The following ACTR3C variants were observed in gnomAD, a reference collection of about 807,000 sequenced individuals.
ACTR3C encodes the protein actin-related protein 3C.
A neutral mutation model predicts 26.3 loss-of-function variants in ACTR3C; 18 were observed. That is an observed-to-expected ratio of 0.68 (90% confidence interval 0.47 to 1.01). ACTR3C has a LOEUF of 1.01. Ranked by LOEUF, ACTR3C falls within the 50% of genes least tolerant of loss-of-function variation. ACTR3C has a pLI of 0.00. For missense variants in ACTR3C, 184 were observed against 250.7 expected (o/e 0.73, Z 1.80); for synonymous variants, 55 against 94.5 (o/e 0.58, Z 2.42).
At chr7:150,075,903 G>A in the ACTR3C span, among the ~76,000 whole-genome samples, 22,368 of 151,716 alleles carry the variant, frequency 0.15, 1,726 homozygotes, top group South Asian at 0.24. Flanking sequence ...ATGGGGAGAC[G>A]AGCCCCTCTG....
At chr7:150,035,281 G>A in the ACTR3C span, among the ~76,000 whole-genome samples, 1 of 59,952 alleles carries the variant, frequency 1.7e-5, no homozygotes, top group African/African-American at 5.0e-5. Flanking sequence ...TCCCTGCCTC[G>A]TGGAGAGTGC....
At chr7:150,049,108 C>T in the ACTR3C span, among the ~76,000 whole-genome samples, 2 of 152,062 alleles carry the variant, frequency 1.3e-5, no homozygotes, top group Non-Finnish European at 2.9e-5. Flanking sequence ...TCGGGCTTGC[C>T]TCCTGCCCAG....
chr7:149,975,684 A>C, the ACTR3C span, among the ~76,000 whole-genome samples: 14 of 152,356 alleles, frequency 9.2e-5, no homozygotes, highest in Middle Eastern at 0.01. Flanking sequence ...TAACAGACTC[A>C]CAGTTCCACA....
the ACTR3C span, among the ~76,000 whole-genome samples, chr7:149,956,402 T>TA: frequency 6.6e-6 from 1 of 150,902 alleles, no homozygotes; most frequent in Non-Finnish European, 1.5e-5. Context: ...CTTTTTAATA[T>TA]AAAAAAAGTA....
chr7:149,902,232 C>T, the ACTR3C span, among the ~76,000 whole-genome samples: 1 of 151,678 alleles, frequency 6.6e-6, no homozygotes, highest in Non-Finnish European at 1.5e-5. Context: ...AAGGAATAAA[C>T]AATTCCTATC....
chr7:150,234,714 G>C, the ACTR3C span, among the ~76,000 whole-genome samples: 1 of 152,100 alleles, frequency 6.6e-6, no homozygotes, highest in Non-Finnish European at 1.5e-5. Context: ...GTTTGCTGTA[G>C]GAACTTCATT....
chr7:150,173,948 G>T, the ACTR3C span, among the ~76,000 whole-genome samples: 1 of 145,112 alleles, frequency 6.9e-6, no homozygotes, highest in Non-Finnish European at 1.5e-5. Flanking sequence ...GACCACCTCA[G>T]CTAGAACCTT....
At chr7:150,086,541 C>T in the ACTR3C span, among the ~76,000 whole-genome samples, 74,876 of 147,178 alleles carry the variant, frequency 0.51, 17,769 homozygotes, top group East Asian at 0.73. Flanking sequence ...CTTTCTCAAA[C>T]ACATTAAGTC....
the ACTR3C span, among the ~76,000 whole-genome samples, chr7:150,161,693 G>C: frequency 6.6e-6 from 1 of 152,100 alleles, no homozygotes; most frequent in African/African-American, 2.4e-5. Context: ...TATAAATCAT[G>C]CTGCTATAAA....
At chr7:149,903,866 G>T in the ACTR3C span, among the ~76,000 whole-genome samples, 76,649 of 90,604 alleles carry the variant, frequency 0.85, 32,108 homozygotes, top group East Asian at 0.98. Flanking sequence ...GTGTAAGGGC[G>T]TTGTTGTTGT....
At chr7:150,319,198 GCTT>G (rs1203250530) in intron 1 of ACTR3C, among the ~76,000 whole-genome samples, 1 of 147,600 alleles carries the variant, frequency 6.8e-6, no homozygotes, top group East Asian at 2.1e-4. Flanking sequence ...TTGTAAAATT[GCTT>G]CTTCTTTTTT....
At chr7:150,049,886 A>G in the ACTR3C span, among the ~76,000 whole-genome samples, 1 of 152,244 alleles carries the variant, frequency 6.6e-6, no homozygotes, top group African/African-American at 2.4e-5. Flanking sequence ...CAAATACAAA[A>G]CCAAGTAAAA....
chr7:150,041,816 G>C, the ACTR3C span, among the ~76,000 whole-genome samples: 6 of 143,984 alleles, frequency 4.2e-5, no homozygotes, highest in East Asian at 2.1e-4. Flanking sequence ...CCTGCGATGG[G>C]GGTACTAAGA....
intron 6 of ACTR3C, among the ~76,000 whole-genome samples, chr7:150,262,301 A>G (rs867889972): frequency 9.5e-4 from 145 of 152,358 alleles, no homozygotes; most frequent in Middle Eastern, 6.8e-3. Context: ...TATGCAAATC[A>G]AAGTACACTT....
the ACTR3C span, among the ~76,000 whole-genome samples, chr7:150,047,233 A>AT: frequency 1.2e-4 from 18 of 152,066 alleles, no homozygotes; most frequent in African/African-American, 3.6e-4. Context: ...AAATAAATAA[A>AT]AAATAAACCA....
chr7:150,225,412 T>C, the ACTR3C span, among the ~76,000 whole-genome samples: 2 of 152,208 alleles, frequency 1.3e-5, no homozygotes, highest in African/African-American at 4.8e-5. Flanking sequence ...TTCCAGCCCT[T>C]TTCCCTTACT....
chr7:150,015,921 T>A, the ACTR3C span, among the ~76,000 whole-genome samples: 1 of 152,200 alleles, frequency 6.6e-6, no homozygotes, highest in Non-Finnish European at 1.5e-5. Flanking sequence ...CTCTCAAAAG[T>A]ACGCTAATAG....
At chr7:149,928,758 G>A in the ACTR3C span, among the ~76,000 whole-genome samples, 2 of 151,356 alleles carry the variant, frequency 1.3e-5, no homozygotes, top group Non-Finnish European at 2.9e-5. Flanking sequence ...CAGGAGAATC[G>A]CTTGAACCCG....
At chr7:150,077,173 T>A in the ACTR3C span, among the ~76,000 whole-genome samples, 4 of 147,234 alleles carry the variant, frequency 2.7e-5, no homozygotes, top group Non-Finnish European at 4.6e-5. Flanking sequence ...CAAAAAAAAA[T>A]TCCAAAGGCA....
Sources: allele counts gnomAD v4.1 joint callset (sites outside exome capture counted in the v4.1 genomes callset), GRCh38; gene constraint gnomAD v4.1.1; transcripts MANE v1.5; gene names NCBI Gene and HGNC (gene_info 2026-07-23, HGNC 2026-07-21).